The following CNTNAP2 variants were observed in gnomAD, a reference collection of about 807,000 sequenced individuals.
The protein encoded by CNTNAP2 is contactin associated protein 2.
Under a neutral mutation model 155.2 loss-of-function variants are expected in CNTNAP2, and 98 were observed. The ratio of observed to expected loss-of-function variants is 0.63; its 90% CI spans 0.54 to 0.75. CNTNAP2 has a LOEUF of 0.75. Ranked by LOEUF, CNTNAP2 falls within the 30% of genes least tolerant of loss-of-function variation. The pLI is 0.00. For missense variants in CNTNAP2, 1,727 were observed against 1,688.1 expected, an observed-to-expected ratio of 1.02 and a Z score of -0.40; for synonymous variants, 651 against 631.2, an observed-to-expected ratio of 1.03 and a Z score of -0.47.
At chr7:146,885,933 GTGTGTGT>G (rs1795648561) in intron 3 of CNTNAP2, among the ~76,000 whole-genome samples, 1 of 14,936 alleles carries the variant, frequency 6.7e-5, no homozygotes, top group Admixed American at 1.2e-3. Flanking sequence ...AAGTCGGTGT[GTGTGTGT>G]GTGTGTGTGT....
intron 20 of CNTNAP2, among the ~76,000 whole-genome samples, chr7:148,243,308 C>G (rs1796193955): frequency 6.6e-6 from 1 of 152,180 alleles, no homozygotes; most frequent in Non-Finnish European, 1.5e-5. Context: ...CACAAATGCA[C>G]AGGGGCAGTA....
At chr7:147,970,990 CA>C (rs1801323186) in intron 14 of CNTNAP2, among the ~76,000 whole-genome samples, 1 of 152,090 alleles carries the variant, frequency 6.6e-6, no homozygotes, top group African/African-American at 2.4e-5. Flanking sequence ...GGAAAACAGA[CA>C]AATCATGGGT....
At chr7:147,215,358 C>G (rs1803244990) in intron 8 of CNTNAP2, among the ~76,000 whole-genome samples, 1 of 152,096 alleles carries the variant, frequency 6.6e-6, no homozygotes, top group South Asian at 2.1e-4. Flanking sequence ...TCTATTCATC[C>G]CTCACTCCCC....
intron 1 of CNTNAP2, among the ~76,000 whole-genome samples, chr7:146,589,756 C>T (rs1023790394): frequency 6.8e-6 from 1 of 147,276 alleles, no homozygotes; most frequent in Non-Finnish European, 1.5e-5. Flanking sequence ...AAAAAAAAAG[C>T]CCCCAAATAT....
At chr7:147,139,557 A>C (rs1424463490) in intron 8 of CNTNAP2, among the ~76,000 whole-genome samples, 1 of 152,052 alleles carries the variant, frequency 6.6e-6, no homozygotes, top group African/African-American at 2.4e-5. Context: ...AATTAACTTG[A>C]CCAGGAAATT....
chr7:148,301,304 A>ATAT (rs533956682), intron 21 of CNTNAP2, among the ~76,000 whole-genome samples: 592 of 30,260 alleles, frequency 0.02, 4 homozygotes, highest in East Asian at 0.13. Flanking sequence ...AAAAAAAAAA[A>ATAT]AAATATATAT....
intron 21 of CNTNAP2, among the ~76,000 whole-genome samples, chr7:148,275,305 G>C (rs1174123696): frequency 6.6e-5 from 10 of 152,118 alleles, no homozygotes; most frequent in Non-Finnish European, 7.4e-5. Context: ...AGAATTCTTT[G>C]GGAGCAAGTA....
chr7:146,330,078 A>G (rs1253583701), intron 1 of CNTNAP2, among the ~76,000 whole-genome samples: 2 of 127,272 alleles, frequency 1.6e-5, no homozygotes, highest in Non-Finnish European at 3.1e-5. Context: ...GCTGGAGTGC[A>G]ATGGCACAAT....
Position 146,242,400 on chromosome 7 carries a change from G to A in CNTNAP2, c.97+125427G>A, listed in dbSNP as rs985287389. 3.9e-5 allele frequency among the ~76,000 whole-genome samples: 6 copies of A among 152,052 alleles called. No individual in the cohort carries two copies. The East Asian group carries it at 9.7e-4, about 25-fold the overall frequency. Reference sequence around the variant, plus strand: ...TAAAATACAAAAATATTAGCCAGACGTGGTGGCTTGTGCCTGTAGTCCCAG... The same window carrying A: ...TAAAATACAAAAATATTAGCCAGACATGGTGGCTTGTGCCTGTAGTCCCAG... On this transcript the variant is annotated intron_variant, in intron 1 of 23. Transcript: ENST00000361727.
chr7:146,576,869 T>C (rs1466292805), intron 1 of CNTNAP2, among the ~76,000 whole-genome samples: 3 of 152,190 alleles, frequency 2.0e-5, no homozygotes, highest in African/African-American at 4.8e-5. Context: ...TATTTTTAGG[T>C]GTAACACTAT....
intron 1 of CNTNAP2, among the ~76,000 whole-genome samples, chr7:146,119,378 CAT>C (rs1295975118): frequency 6.6e-6 from 1 of 152,022 alleles, no homozygotes; most frequent in African/African-American, 2.4e-5. Flanking sequence ...TGTCGACAGA[CAT>C]ATAAAAACTG....
chr7:146,891,851 T>G (rs1384577239), intron 3 of CNTNAP2, among the ~76,000 whole-genome samples: 1 of 152,178 alleles, frequency 6.6e-6, no homozygotes, highest in African/African-American at 2.4e-5. Flanking sequence ...GGTATCCATT[T>G]TTTTATTCTT....
chr7:146,700,445 A>T (rs908382643), intron 1 of CNTNAP2, among the ~76,000 whole-genome samples: 7 of 152,026 alleles, frequency 4.6e-5, no homozygotes, highest in African/African-American at 1.7e-4. Flanking sequence ...TTTTTAAATT[A>T]AAAAAATAAG....
chr7:146,726,591 C>A (rs866274032), intron 1 of CNTNAP2, among the ~76,000 whole-genome samples: 1 of 152,112 alleles, frequency 6.6e-6, no homozygotes, highest in Non-Finnish European at 1.5e-5. Context: ...GCATGAAAAT[C>A]TAAATTTTCT....
intron 1 of CNTNAP2, among the ~76,000 whole-genome samples, chr7:146,322,911 T>A (rs199901391): frequency 6.6e-6 from 1 of 152,036 alleles, no homozygotes; most frequent in East Asian, 1.9e-4. Flanking sequence ...GAGGAGCTGA[T>A]GAGCATTAGA....
In CNTNAP2 at chr7:147,869,426, A is replaced by G. The variant is rs375711502; in HGVS notation, c.2099-34139A>G. Reference sequence around the variant, plus strand: ...TCAAAGGGAAATCTCCAAGTTGACAACAATGTGTTAAGAGAATGAGAATTT... The same window carrying G: ...TCAAAGGGAAATCTCCAAGTTGACAGCAATGTGTTAAGAGAATGAGAATTT... On this transcript the variant is annotated intron_variant, in intron 13 of 23. Coordinates refer to ENST00000361727, the MANE Select transcript of CNTNAP2 (RefSeq NM_014141.6). Among the ~76,000 whole-genome samples, 49 of 152,368 alleles carry G rather than the reference A, an allele frequency of 3.2e-4. 1 individual carries two copies. Among genetic ancestry groups the G allele is most frequent in the African/African-American group, 1.0e-3 (42 of 41,596 alleles).
intron 1 of CNTNAP2, among the ~76,000 whole-genome samples, chr7:146,459,574 A>G (rs1269997158): frequency 6.6e-6 from 1 of 152,136 alleles, no homozygotes; most frequent in Non-Finnish European, 1.5e-5. Flanking sequence ...AGAATAAAAT[A>G]CTTCCTGAAC....
intron 1 of CNTNAP2, among the ~76,000 whole-genome samples, chr7:146,354,111 A>T (rs1004859075): frequency 6.6e-6 from 1 of 152,162 alleles, no homozygotes; most frequent in Non-Finnish European, 1.5e-5. Flanking sequence ...CCACATTTAG[A>T]TAACTACTCA....
intron 3 of CNTNAP2, among the ~76,000 whole-genome samples, chr7:146,948,810 C>T (rs1225667129): frequency 2.0e-5 from 3 of 152,092 alleles, no homozygotes; most frequent in Non-Finnish European, 4.4e-5. Context: ...TTTTTCTTTA[C>T]AACACAGGAC....
Sources: gnomAD v4.1 joint callset for allele counts (sites outside exome capture counted in the v4.1 genomes callset) on GRCh38, gnomAD v4.1.1 for gene constraint, MANE v1.5 for transcripts, NCBI Gene and HGNC (gene_info 2026-07-23, HGNC 2026-07-21) for gene names.